ABCC2: variants seen among roughly 807,000 people sequenced by gnomAD.
The protein encoded by ABCC2 is ATP-binding cassette sub-family C member 2.
ABCC2 carries 157 observed loss-of-function variants against 173.4 expected under a neutral mutation model. The observed-to-expected ratio is 0.91, with a 90% confidence interval of 0.80 to 1.03. ABCC2 has a LOEUF of 1.03. Among genes scored for constraint, ABCC2 ranks in the 50% least tolerant of loss-of-function variants. The probability of loss-of-function intolerance (pLI) is 0.00; values close to 1 mark genes in which losing one functional copy is unlikely to be tolerated. For synonymous variants in ABCC2, 657 were observed against 693.5 expected, an observed-to-expected ratio of 0.95 and a Z score of 0.83; for missense variants, 1,822 against 1,852.3, an observed-to-expected ratio of 0.98 and a Z score of 0.30.
chr10:99,849,873 T>G (rs1331133677), intron 30 of ABCC2, among the ~76,000 whole-genome samples: 1 of 152,240 alleles, frequency 6.6e-6, no homozygotes, highest in Non-Finnish European at 1.5e-5. Flanking sequence ...GAATATTTCC[T>G]TCACATCATT....
At chr10:99,814,271 ACACACGTATG>A (rs1564684192) in intron 16 of ABCC2, among the ~76,000 whole-genome samples, 544 of 29,130 alleles carry the variant, frequency 0.019, 84 homozygotes, top group African/African-American at 0.063. Flanking sequence ...ACGTATGTAT[ACACACGTATG>A]TATACACACA....
intron 17 of ABCC2, among the ~76,000 whole-genome samples, chr10:99,817,849 G>A (rs2038450851): frequency 6.6e-6 from 1 of 152,198 alleles, no homozygotes. Flanking sequence ...GAGGCCAGAG[G>A]AAGATTCTAC....
intron 29 of ABCC2, among the ~76,000 whole-genome samples, chr10:99,846,574 C>CA (rs2039020192): frequency 6.6e-6 from 1 of 152,108 alleles, no homozygotes; most frequent in African/African-American, 2.4e-5. Context: ...CCCATCTCTA[C>CA]AAAAAATTTA....
chr10:99,795,744 A>G (rs1370161995), intron 6 of ABCC2, among the ~76,000 whole-genome samples: 1 of 77,656 alleles, frequency 1.3e-5, no homozygotes, highest in Non-Finnish European at 2.7e-5. Context: ...AGAAGGAAAG[A>G]AAGAAAGAAA....
At chr10:99,796,498 C>T (rs1220943267) in intron 6 of ABCC2, among the ~76,000 whole-genome samples, 3 of 151,772 alleles carry the variant, frequency 2.0e-5, no homozygotes, top group Non-Finnish European at 4.4e-5. Context: ...ATCGCAACTC[C>T]GTCTCAACAG....
intron 2 of ABCC2, among the ~76,000 whole-genome samples, chr10:99,787,155 C>CAAA (rs71305558): frequency 1.0e-4 from 15 of 144,024 alleles, no homozygotes; most frequent in Non-Finnish European, 1.4e-4. Context: ...GACTCTGTCT[C>CAAA]AAAAAAAAAA....
chr10:99,814,337 GTA>G lies in ABCC2; in HGVS notation c.2094+1200_2094+1201del, dbSNP rs767067063. 2.7e-4 allele frequency among the ~76,000 whole-genome samples: 36 copies of G among 133,950 alleles called. 6 individuals are homozygous for G. The highest frequency in any genetic ancestry group is 1.2e-3 in the Admixed American group (17 of 14,004). 87.9% of individuals were successfully genotyped at this position (133,950 alleles called of 152,430 possible). On this transcript the variant is annotated intron_variant, in intron 16 of 31. Coordinates refer to ENST00000647814, the MANE Select transcript of ABCC2 (RefSeq NM_000392.5). ...TATACACACGTATGTATACACACAT[GTA>G]TATATACACACGTATGTATACACAC...
Position 99,851,545 on chromosome 10 carries a change from C to G in ABCC2, c.4552C>G (p.Pro1518Ala). 1 of 1,613,970 alleles carries G rather than the reference C, an allele frequency of 6.2e-7. No homozygotes were observed. Among genetic ancestry groups the G allele is most frequent in the Non-Finnish European group, 8.5e-7 (1 of 1,179,968 alleles). The stretch of plus-strand genomic sequence containing the variant: ...CGGGAAGATTATAGAGTGCGGCAGC[C>G]CTGAAGAACTGCTACAAATCCCTGG... The part of the protein sequence containing the change: ...DNGKIIECGS[P>A]EELLQIPGPF... The change falls in exon 32 of 32, where the codon CCT (proline) becomes GCT (alanine). Residue 1518 changes from proline to alanine, a missense_variant. By Grantham distance (27) the Pro-to-Ala change is conservative. Transcript: ENST00000647814.
intron 31 of ABCC2, among the ~76,000 whole-genome samples, chr10:99,851,267 T>C (rs1025497182): frequency 6.6e-6 from 1 of 152,258 alleles, no homozygotes; most frequent in African/African-American, 2.4e-5. Context: ...TGCACTTCTT[T>C]TAAAAACTCA....
chr10:99,810,255 G>A (rs780645197), intron 14 of ABCC2, 37 bp downstream of exon 14: 4 of 1,547,544 alleles, frequency 2.6e-6, no homozygotes, highest in Non-Finnish European at 2.7e-6. Context: ...AAACTTATTC[G>A]CAGTACTGGT....
At position 99,828,557 on chromosome 10, in the gene ABCC2, G is replaced by A. The variant is rs536971430; in HGVS notation, c.2621-1750G>A. On this transcript the variant is annotated intron_variant, in intron 19 of 31. Coordinates refer to ENST00000647814, the MANE Select transcript of ABCC2 (RefSeq NM_000392.5). Reference sequence around the variant, plus strand: ...CTCGCCTAGTTTCCGGTGGTTTGGTGATCTTTGTTGTTGCTGTTTGTTGTG... The same window carrying A: ...CTCGCCTAGTTTCCGGTGGTTTGGTAATCTTTGTTGTTGCTGTTTGTTGTG... Among the ~76,000 whole-genome samples the A allele has an allele frequency of 2.0e-5, 3 of 152,282 alleles. No individual in the cohort carries two copies. In the East Asian group the frequency reaches 5.8e-4, roughly 29 times the overall value.
chr10:99,834,503 A>T lies in ABCC2; in HGVS notation c.3382A>T (p.Ile1128Phe), dbSNP rs2038787787. Residue 1128 changes from isoleucine to phenylalanine, a missense_variant, in exon 24 of 32, where the codon ATT becomes TTT. Ile to Phe is a conservative substitution (Grantham distance 21, BLOSUM62 0). Coordinates refer to ENST00000647814, the MANE Select transcript of ABCC2 (RefSeq NM_000392.5). The stretch of plus-strand genomic sequence containing the variant: ...CACTCCTGTCTTCACCATCATCGTC[A>T]TTCCTCTTGGCATTATTTATGTATC... Reference protein sequence around the residue: ...MATPVFTIIVIPLGIIYVSVQ... With the variant: ...MATPVFTIIVFPLGIIYVSVQ... 6.2e-7 allele frequency: 1 copy of T among 1,613,990 alleles called. No individual in the cohort carries two copies. The highest frequency in any genetic ancestry group is 1.7e-5 in the Admixed American group (1 of 59,988).
Position 99,810,134 on chromosome 10 carries a change from G to A in ABCC2, c.1816G>A (p.Ala606Thr). The A allele has an allele frequency of 6.2e-7, 1 of 1,613,134 alleles. No homozygotes were observed. The highest frequency in any genetic ancestry group is 2.2e-5 in the East Asian group (1 of 44,856). The change falls in exon 14 of 32, where the codon GCC becomes ACC. Residue 606 changes from alanine (A) to threonine (T), a missense_variant and splice_region_variant. Coordinates refer to ENST00000647814, the MANE Select transcript of ABCC2 (RefSeq NM_000392.5). ...LPMMISSMLQASVSTERLEKY... is the reference protein window; with the variant it reads ...LPMMISSMLQTSVSTERLEKY... ...TGAGATCCTTTGTGTCCTTCTCTAG[G>A]CCAGTGTTTCCACAGAGCGGCTAGA...
intron 30 of ABCC2, among the ~76,000 whole-genome samples, chr10:99,847,725 C>T (rs1388051461): frequency 1.3e-5 from 2 of 152,128 alleles, no homozygotes; most frequent in Non-Finnish European, 2.9e-5. Flanking sequence ...TCAAGACCAG[C>T]CTGGCCAAGA....
At chr10:99,840,881 C>G (rs2038932326) in intron 25 of ABCC2, among the ~76,000 whole-genome samples, 1 of 151,888 alleles carries the variant, frequency 6.6e-6, no homozygotes, top group Non-Finnish European at 1.5e-5. Flanking sequence ...GCAACCCTCT[C>G]CTAGTTCCAG....
intron 21 of ABCC2, 53 bp downstream of exon 21, chr10:99,830,904 A>C (rs1300819924): frequency 3.7e-6 from 6 of 1,608,090 alleles, no homozygotes; most frequent in Non-Finnish European, 5.1e-6. Context: ...TTTAGAACCC[A>C]AAATTTTTAA....
chr10:99,817,244 C>A, intron 16 of ABCC2, 64 bp from the exon 17 acceptor site: 1 of 1,529,970 alleles, frequency 6.5e-7, no homozygotes, highest in South Asian at 1.1e-5. Flanking sequence ...TCCAGCCACC[C>A]CGTCCTTCAA....
chr10:99,807,556 A>G (rs2038134561), intron 12 of ABCC2, 35 bp downstream of exon 12: 4 of 1,613,536 alleles, frequency 2.5e-6, no homozygotes, highest in Non-Finnish European at 8.5e-7. Flanking sequence ...CTGCGTATTC[A>G]CCTGGACCTG....
chr10:99,811,236 C>A lies in ABCC2; in HGVS notation c.1901-300C>A, dbSNP rs7076773. ...GTCCCAGCTACCTGGAGGCTGAGGT[C>A]GGAGAATCTCTTGAGCCCGGAAAGT... On this transcript the variant is annotated intron_variant, in intron 14 of 31. Transcript: ENST00000647814. Among the ~76,000 whole-genome samples the A allele has an allele frequency of 0.66, 99,506 of 151,448 alleles. 32,952 individuals are homozygous for A. Among genetic ancestry groups the A allele is most frequent in the East Asian group, 0.77 (3,934 of 5,118 alleles).
Sources: gnomAD v4.1 joint callset for allele counts (sites outside exome capture counted in the v4.1 genomes callset) on GRCh38, gnomAD v4.1.1 for gene constraint, MANE v1.5 for transcripts, NCBI Gene and HGNC (gene_info 2026-07-23, HGNC 2026-07-21) for gene names.